Variants in PRKAG2 observed in about 807,000 individuals in gnomAD.
The protein encoded by PRKAG2 is protein kinase AMP-activated non-catalytic subunit gamma 2.
A neutral mutation model predicts 69.6 loss-of-function variants in PRKAG2; 26 were observed. That is an observed-to-expected ratio of 0.37 (90% CI 0.27 to 0.52). The LOEUF (loss-of-function observed/expected upper bound fraction) is 0.52, where lower values mean the gene tolerates loss of function less well. Ranked by LOEUF, PRKAG2 falls within the 20% of genes least tolerant of loss-of-function variation. The pLI is 0.90. For missense variants in PRKAG2, 557 were observed against 740.0 expected (o/e 0.75, Z 2.87); for synonymous variants, 293 against 285.0 (o/e 1.03, Z -0.28).
intron 9 of PRKAG2, chr7:151,572,360 G>A (rs1563160392): frequency 4.1e-6 from 1 of 246,852 alleles, no homozygotes; most frequent in Non-Finnish European, 7.7e-6. Context: ...GTAGTGAGCG[G>A]TGGCCCCATT....
In PRKAG2 at chr7:151,835,332, G is replaced by C. The variant is rs948614783; in HGVS notation, c.114+41175C>G. Among the ~76,000 whole-genome samples the C allele has an allele frequency of 6.6e-6, 1 of 151,878 alleles. No homozygotes were observed. The highest frequency in any genetic ancestry group is 6.6e-5 in the Admixed American group (1 of 15,248). On this transcript the variant is annotated intron_variant, in intron 1 of 15. Transcript: ENST00000287878. This position sits in a 1 kb window ranked among gnomAD's most constrained non-coding sequence, Gnocchi z 4.1. ...CTCCTGGGCTCAAGTGATCCTCCAG[G>C]TAATATTTTTATTTTTTATTATTTT...
chr7:151,838,800 A>G (rs903844884), intron 1 of PRKAG2, among the ~76,000 whole-genome samples: 19 of 151,560 alleles, frequency 1.3e-4, no homozygotes, highest in Non-Finnish European at 1.6e-4. Context: ...AGACCCCTTG[A>G]GTTCAGGAGT....
chr7:151,558,255 A>G (rs1345005862), intron 15 of PRKAG2: 15 of 985,358 alleles, frequency 1.5e-5, no homozygotes, highest in African/African-American at 1.7e-5. Flanking sequence ...CCATTGCCCG[A>G]TGAAAAGAAT....
intron 1 of PRKAG2, among the ~76,000 whole-genome samples, chr7:151,789,877 C>T (rs1057134362): frequency 6.6e-6 from 1 of 152,198 alleles, no homozygotes; most frequent in African/African-American, 2.4e-5. Context: ...CAGGCTGCAA[C>T]CCAAGCCCCA....
intron 6 of PRKAG2, among the ~76,000 whole-genome samples, chr7:151,588,307 T>C (rs1812178473): frequency 6.6e-6 from 1 of 151,572 alleles, no homozygotes; most frequent in African/African-American, 2.4e-5. Flanking sequence ...AACTGAATCA[T>C]GGGGGGGAGT....
chr7:151,631,316 G>A (rs951274364), intron 5 of PRKAG2, among the ~76,000 whole-genome samples: 16 of 152,294 alleles, frequency 1.1e-4, no homozygotes, highest in African/African-American at 3.9e-4. Context: ...TTAATTTTGC[G>A]TAAGAGCAAG....
At chr7:151,861,795 C>T (rs1322456761) in intron 1 of PRKAG2, among the ~76,000 whole-genome samples, 2 of 152,016 alleles carry the variant, frequency 1.3e-5, no homozygotes, top group Non-Finnish European at 2.9e-5. Flanking sequence ...GAAACTGAGG[C>T]TTAGATTGTG....
At chr7:151,610,547 CG>C (rs1563250392) in intron 5 of PRKAG2, among the ~76,000 whole-genome samples, 1 of 150,930 alleles carries the variant, frequency 6.6e-6, no homozygotes, top group Non-Finnish European at 1.5e-5. Context: ...CGTGGTGGTG[CG>C]CACCTGTAGT....
intron 3 of PRKAG2, among the ~76,000 whole-genome samples, chr7:151,748,748 C>G (rs1236984813): frequency 2.6e-5 from 4 of 152,132 alleles, no homozygotes; most frequent in African/African-American, 4.8e-5. Context: ...TTCTCAAAAA[C>G]TCCCTTTGGC....
At chr7:151,862,323 GA>G (rs926813914) in intron 1 of PRKAG2, among the ~76,000 whole-genome samples, 5 of 150,614 alleles carry the variant, frequency 3.3e-5, no homozygotes, top group African/African-American at 1.2e-4. Flanking sequence ...AGATTGGATG[GA>G]AAAAAAAATG....
At chr7:151,843,655 A>G (rs577596006) in intron 1 of PRKAG2, among the ~76,000 whole-genome samples, 1 of 152,338 alleles carries the variant, frequency 6.6e-6, no homozygotes, top group East Asian at 1.9e-4. Context: ...CCTTATCTCT[A>G]TCCCCACTGG....
chr7:151,710,477 C>T (rs1469544432), intron 3 of PRKAG2, among the ~76,000 whole-genome samples: 2 of 152,182 alleles, frequency 1.3e-5, no homozygotes, highest in African/African-American at 2.4e-5. Flanking sequence ...CTCCTCTGCT[C>T]GAAGCTCTGC....
At chr7:151,844,680 CACTA>C (rs767892488) in intron 1 of PRKAG2, among the ~76,000 whole-genome samples, 12 of 152,342 alleles carry the variant, frequency 7.9e-5, no homozygotes, top group African/African-American at 2.6e-4. Context: ...GTTTGAAATA[CACTA>C]ACTTTCTGTG....
chr7:151,735,832 G>A, intron 3 of PRKAG2: 1 of 1,526,382 alleles, frequency 6.6e-7, no homozygotes, highest in African/African-American at 1.4e-5. Context: ...AGGAGGGTGT[G>A]CACACACGCC....
chr7:151,599,075 C>T (rs918159748), intron 5 of PRKAG2, among the ~76,000 whole-genome samples: 2 of 152,170 alleles, frequency 1.3e-5, no homozygotes, highest in African/African-American at 4.8e-5. Context: ...TGGTCTTGAA[C>T]TCCTGACCTC....
In PRKAG2 at chr7:151,811,526, G is replaced by T. The variant is rs117474360; in HGVS notation, c.115-24985C>A. ...ATTCAGTAATTGAGGCTAGAGCTTT[G>T]CCATCTCACATTAAACCCTTTTAGG... On this transcript the variant is annotated intron_variant, in intron 1 of 15. Transcript: ENST00000287878. 2.6e-3 allele frequency among the ~76,000 whole-genome samples: 395 copies of T among 152,306 alleles called. 6 individuals are homozygous for T. In the East Asian group the frequency reaches 0.046, roughly 18 times the overall value.
chr7:151,739,890 C>T (rs896557503), intron 3 of PRKAG2, among the ~76,000 whole-genome samples: 1 of 152,228 alleles, frequency 6.6e-6, no homozygotes, highest in Non-Finnish European at 1.5e-5. Flanking sequence ...AGAGACCGTG[C>T]CTTCCCCCAA....
chr7:151,786,594 G>T, intron 1 of PRKAG2, 53 bp from the exon 2 acceptor site: 2 of 1,464,656 alleles, frequency 1.4e-6, no homozygotes, highest in Non-Finnish European at 1.9e-6. Flanking sequence ...GGGCCCAGGG[G>T]CTGCATGGAA....
At chr7:151,653,383 T>C (rs1315308071) in intron 4 of PRKAG2, among the ~76,000 whole-genome samples, 1 of 152,178 alleles carries the variant, frequency 6.6e-6, no homozygotes, top group African/African-American at 2.4e-5. Flanking sequence ...AGGAAAAAAT[T>C]TGTCCTTATG....
Sources: allele counts gnomAD v4.1 joint callset (sites outside exome capture counted in the v4.1 genomes callset), GRCh38; gene constraint gnomAD v4.1.1; non-coding constraint Gnocchi (gnomAD v3.1); transcripts MANE v1.5; gene names NCBI Gene and HGNC (gene_info 2026-07-23, HGNC 2026-07-21).